The following PAX6 variants were observed in gnomAD, a reference collection of about 807,000 sequenced individuals.
PAX6 encodes paired box protein Pax-6.
In PAX6, 7 loss-of-function variants were observed where a neutral mutation model predicts 60.7. The ratio of observed to expected loss-of-function variants is 0.12; its 90% CI spans 0.07 to 0.22. The LOEUF (loss-of-function observed/expected upper bound fraction) is 0.22. Among genes scored for constraint, PAX6 ranks in the 10% least tolerant of loss-of-function variants. The pLI, the probability that PAX6 is intolerant of heterozygous loss-of-function variation, is 1.00. For synonymous variants in PAX6, 208 were observed against 201.2 expected (o/e 1.03, Z -0.29); for missense variants, 355 against 555.2 (o/e 0.64, Z 3.62).
At chr11:31,791,085 C>A (rs1466224233) in intron 12 of PAX6, 4 of 633,548 alleles carry the variant, frequency 6.3e-6, no homozygotes, top group Admixed American at 4.4e-5. Flanking sequence ...CTCTAAAGCA[C>A]TTTAGGTTCT....
In PAX6 at chr11:31,789,803, C is replaced by T. The variant is rs1309991764; in HGVS notation, c.*131G>A. The T allele has an allele frequency of 4.9e-6, 4 of 816,632 alleles. No homozygotes were observed. Among genetic ancestry groups the T allele is most frequent in the East Asian group, 5.3e-5 (2 of 37,448 alleles). 50.6% of individuals were successfully genotyped at this position (816,632 alleles called of 1,614,324 possible). A position where few individuals can be genotyped will look rare whatever the true frequency, so the allele number is the denominator to read the frequency against. On this transcript the variant is annotated 3_prime_UTR_variant, in exon 14 of 14. Coordinates refer to ENST00000640368, the MANE Select transcript of PAX6 (RefSeq NM_001368894.2). ...CCTTCCCCAGTGGTACAATACAGGA[C>T]ACAATTGTAGAACTGAAGCGGCTCT...
rs145866071 is a variant in PAX6 at position 31,801,963 on chromosome 11, CT to C, written c.142-52del. 11,643 of 1,453,796 alleles carry C rather than the reference CT, an allele frequency of 8.0e-3. 811 individuals are homozygous for C. In the African/African-American group the frequency reaches 0.14, roughly 18 times the overall value. The allele number at this position is 1,453,796 out of a possible 1,614,324, so 90.1% of individuals were successfully genotyped here. ...TGGTATGAGAACTTACTGTAGAGAGCTTTTTTTCTTAAAATTACATTTGTAG... is the reference window on the plus strand; with the variant it reads ...TGGTATGAGAACTTACTGTAGAGAGCTTTTTTCTTAAAATTACATTTGTAG... On this transcript the variant is annotated intron_variant, in intron 5 of 13. Transcript: ENST00000640368.
At position 31,801,677 on chromosome 11, in the gene PAX6, G is replaced by C; in HGVS notation, c.283C>G (p.Pro95Ala). Reference sequence around the variant, plus strand: ...TGGGCTATTTTGCTTACAACTTCTGGAGTCGCTACTCTCGGTTTACTACCA... The same window carrying C: ...TGGGCTATTTTGCTTACAACTTCTGCAGTCGCTACTCTCGGTTTACTACCA... ...IGGSKPRVAT[P>A]EVVSKIAQYK... Residue 95 changes from proline to alanine, a missense_variant, in exon 7 of 14, where the codon CCA (proline) becomes GCA (alanine). Physicochemically the swap from Pro to Ala is conservative, Grantham distance 27. Coordinates refer to ENST00000640368, the MANE Select transcript of PAX6 (RefSeq NM_001368894.2). 3 of 1,614,142 alleles carry C rather than the reference G, an allele frequency of 1.9e-6. No individual in the cohort carries two copies. Among genetic ancestry groups the C allele is most frequent in the Non-Finnish European group, 1.7e-6 (2 of 1,180,034 alleles).
In PAX6 at chr11:31,793,521, G is replaced by C. The variant is rs1057517785; in HGVS notation, c.991C>G (p.Arg331Gly). 1.2e-6 allele frequency: 2 copies of C among 1,614,108 alleles called. No homozygotes were observed. Among genetic ancestry groups the C allele is most frequent in the Admixed American group, 3.3e-5 (2 of 60,010 alleles). The change falls in exon 12 of 14, where the codon CGA becomes GGA. Residue 331 changes from arginine to glycine, a missense_variant. Arg to Gly is a moderately radical substitution (Grantham distance 125). This residue lies in a region of PAX6 where 149 missense variants were observed against 191.9 expected (regional missense o/e 0.78). Transcript: ENST00000640368. ...GTGTTTGTGAGGGCTGTGTCTGTTC[G>C]GCCCAACATGGAGCCAGATGTGAAG... ...SSFTSGSMLG[R>G]TDTALTNTYS...
At position 31,816,441 on chromosome 11, in the gene PAX6, A is replaced by T. The variant is rs1224082999; in HGVS notation, c.-317+1368T>A. 4 of 667,036 alleles carry T rather than the reference A, an allele frequency of 6.0e-6. No homozygotes were observed. The African/African-American group carries it at 7.1e-5, about 12-fold the overall frequency. 41.3% of individuals were successfully genotyped at this position (667,036 alleles called of 1,614,324 possible). On this transcript the variant is annotated intron_variant, in intron 1 of 12. Transcript: ENST00000241001. ...GCGAGGACTCTGGTCAGAGGTAATT[A>T]TGTCACCGCGTTTTCTCGCCGTGAC... is the stretch of plus-strand genomic sequence containing the variant.
rs1956961143 is a variant in PAX6, at chr11:31,811,027, ACAG to A, written c.-316-15_-316-13del. On this transcript the variant is annotated splice_polypyrimidine_tract_variant and intron_variant, in intron 1 of 13. Coordinates refer to ENST00000640368, the MANE Select transcript of PAX6 (RefSeq NM_001368894.2). ...CAATTCTCAGATTCCTGGGAAGGAG[ACAG>A]AGATTGACAATAAAATGGGCTGTCA... is the stretch of plus-strand genomic sequence containing the variant. 2.5e-6 allele frequency: 1 copy of A among 399,250 alleles called. No homozygotes were observed. Among genetic ancestry groups the A allele is most frequent in the Non-Finnish European group, 4.4e-6 (1 of 226,158 alleles). 24.7% of individuals were successfully genotyped at this position (399,250 alleles called of 1,614,324 possible). A position where few individuals can be genotyped will look rare whatever the true frequency, so the allele number is the denominator to read the frequency against.
intron 8 of PAX6, among the ~76,000 whole-genome samples, chr11:31,798,900 G>A (rs551132625): frequency 2.0e-5 from 3 of 152,342 alleles, no homozygotes; most frequent in Non-Finnish European, 1.5e-5. Context: ...AAGCGGAAGG[G>A]GGGTGTATCC....
chr11:31,794,772 C>T lies in PAX6; in HGVS notation c.582G>A (p.Gln194=). Reference sequence around the variant, plus strand: ...AGTTGGTATTCTCTCCCCCTCCTTCCTGTTGCTGGCAGCCATCTGGAACAA... The same window carrying T: ...AGTTGGTATTCTCTCCCCCTCCTTCTTGTTGCTGGCAGCCATCTGGAACAA... The part of the protein sequence containing the change: ...GQPTQDGCQQ[Q]EGGGENTNSI... Residue 194 remains glutamine, a synonymous_variant, in exon 9 of 14, where the codon CAG becomes CAA. Transcript: ENST00000640368. 6.2e-7 allele frequency: 1 copy of T among 1,614,150 alleles called. No homozygotes were observed. Among genetic ancestry groups the T allele is most frequent in the Non-Finnish European group, 8.5e-7 (1 of 1,180,016 alleles).
chr11:31,810,906 T>G lies in PAX6; in HGVS notation c.-207A>C. 2.5e-6 allele frequency: 1 copy of G among 399,254 alleles called. No individual in the cohort carries two copies. Among genetic ancestry groups the G allele is most frequent in the East Asian group, 3.6e-5 (1 of 28,072 alleles). 24.7% of individuals were successfully genotyped at this position (399,254 alleles called of 1,614,324 possible). On this transcript the variant is annotated 5_prime_UTR_variant, in exon 2 of 14. Coordinates refer to ENST00000640368, the MANE Select transcript of PAX6 (RefSeq NM_001368894.2). ...GTTGGGGTTTTTTGTGCTGCTGTTG[T>G]TGCTTGAAGACCACAATGGTTTGAA...
At chr11:31,804,054 T>C (rs1471227671) in intron 4 of PAX6, 1 of 152,202 alleles carries the variant, frequency 6.6e-6, no homozygotes, top group African/African-American at 2.4e-5. Flanking sequence ...ACTGATAAAT[T>C]GACGCCAGGA....
At chr11:31,811,834 G>A (rs1353548808), upstream of PAX6, 3 of 152,722 alleles carry the variant, frequency 2.0e-5, no homozygotes, top group East Asian at 1.9e-4. Flanking sequence ...AGAGGAAAGG[G>A]GCGGGAGCGT....
chr11:31,810,248 T>A (rs1365951706), intron 2 of PAX6: 1 of 152,226 alleles, frequency 6.6e-6, no homozygotes, highest in Non-Finnish European at 1.5e-5. Flanking sequence ...GAGTGCCGGC[T>A]GACTCTTCTG....
rs183764839 is a variant in PAX6 at position 31,803,333 on chromosome 11, T to C, written c.11-499A>G. On this transcript the variant is annotated intron_variant, in intron 4 of 13. Transcript: ENST00000640368. ...CCCCTCTGAGTGTCACCGCAAACCA[T>C]GGGTTCTACAGATCCCACACTGAAC... 2.5e-3 allele frequency: 488 copies of C among 197,996 alleles called. 2 individuals are homozygous for C. Among genetic ancestry groups the C allele is most frequent in the African/African-American group, 0.011 (467 of 43,622 alleles). 12.3% of individuals were successfully genotyped at this position (197,996 alleles called of 1,614,324 possible). A position where few individuals can be genotyped will look rare whatever the true frequency, so the allele number is the denominator to read the frequency against.
intron 4 of PAX6, 118 bp downstream of exon 4, chr11:31,806,284 G>C: frequency 8.1e-7 from 1 of 1,232,962 alleles, no homozygotes; most frequent in South Asian, 1.4e-5. Flanking sequence ...GCAGGTCCCC[G>C]GGCCTCAGTC....
chr11:31,816,464 G>A (rs1217751416), intron 1 of PAX6: 1 of 685,728 alleles, frequency 1.5e-6, no homozygotes, highest in African/African-American at 1.8e-5. Flanking sequence ...TTCTCGCCGT[G>A]ACAGCCGAAT....
At chr11:31,814,987 C>CCTCTCTCTCT (rs1565286075), upstream of PAX6, 1 of 84,970 alleles carries the variant, frequency 1.2e-5, no homozygotes, top group Non-Finnish European at 2.2e-5. Flanking sequence ...GGGAGGCCAG[C>CCTCTCTCTCT]CTGTCTCTCT....
chr11:31,809,308 G>T (rs1390398359), intron 2 of PAX6: 1 of 152,194 alleles, frequency 6.6e-6, no homozygotes, highest in Non-Finnish European at 1.5e-5. Context: ...AACTCGCCAG[G>T]CTCAAGCTCT....
At chr11:31,800,926 C>T (rs1953611426) in intron 7 of PAX6, 70 bp from the exon 8 acceptor site, 2 of 1,516,834 alleles carry the variant, frequency 1.3e-6, no homozygotes. Context: ...TCTCAGCTCA[C>T]CCACAACCTT....
chr11:31,800,183 G>A (rs779055487), intron 8 of PAX6, among the ~76,000 whole-genome samples: 2 of 151,972 alleles, frequency 1.3e-5, no homozygotes, highest in Non-Finnish European at 2.9e-5. Flanking sequence ...TTTTAGTTGG[G>A]AGACCACCAC....
Sources: allele counts gnomAD v4.1 joint callset (sites outside exome capture counted in the v4.1 genomes callset), GRCh38; gene constraint gnomAD v4.1.1; regional missense constraint gnomAD v4.1.1; transcripts MANE v1.5; gene names NCBI Gene and HGNC (gene_info 2026-07-23, HGNC 2026-07-21).